Variants in NLRP7 observed in about 807,000 individuals in gnomAD.
NLRP7 encodes NLR family pyrin domain containing 7.
A neutral mutation model predicts 85.5 loss-of-function variants in NLRP7; 72 were observed. That is an observed-to-expected ratio of 0.84 (90% CI 0.70 to 1.02). The LOEUF (loss-of-function observed/expected upper bound fraction) is 1.02. Ranked by LOEUF, NLRP7 falls within the 50% of genes least tolerant of loss-of-function variation. The probability of loss-of-function intolerance (pLI) is 0.00; values close to 1 mark genes in which losing one functional copy is unlikely to be tolerated. For synonymous variants in NLRP7, 550 were observed against 505.2 expected, an observed-to-expected ratio of 1.09 and a Z score of -1.19; for missense variants, 1,243 against 1,219.5, an observed-to-expected ratio of 1.02 and a Z score of -0.29.
chr19:54,929,750 A>T (rs904363311), intron 9 of NLRP7, among the ~76,000 whole-genome samples: 1 of 152,184 alleles, frequency 6.6e-6, no homozygotes, highest in Non-Finnish European at 1.5e-5. Context: ...GTGCCCACCC[A>T]CATATATTCA....
At chr19:54,937,223 A>T in intron 5 of NLRP7, among the ~76,000 whole-genome samples, 1 of 151,962 alleles carries the variant, frequency 6.6e-6, no homozygotes, top group Non-Finnish European at 1.5e-5. Context: ...CTCAAAAAAA[A>T]AAAAAAAAGT....
intron 1 of NLRP7, among the ~76,000 whole-genome samples, chr19:54,964,621 G>C (rs1017248984): frequency 2.0e-5 from 3 of 151,556 alleles, no homozygotes; most frequent in African/African-American, 7.3e-5. Context: ...TCAGGAGTTT[G>C]AGACCAGCCT....
chr19:54,954,429 C>T (rs765112523), intron 1 of NLRP7, among the ~76,000 whole-genome samples: 10 of 135,748 alleles, frequency 7.4e-5, no homozygotes, highest in South Asian at 2.2e-4. Context: ...ACTCGGGAGG[C>T]TGAGGCAGGA....
At chr19:54,954,545 A>T (rs1263352201) in intron 1 of NLRP7, among the ~76,000 whole-genome samples, 1 of 150,074 alleles carries the variant, frequency 6.7e-6, no homozygotes, top group African/African-American at 2.4e-5. Context: ...AAAAAAAAAA[A>T]AAAAAAAGGG....
At chr19:54,924,795 G>C (rs1346117679) in intron 9 of NLRP7, among the ~76,000 whole-genome samples, 1 of 152,080 alleles carries the variant, frequency 6.6e-6, no homozygotes, top group Non-Finnish European at 1.5e-5. Flanking sequence ...AATTAGCTGG[G>C]CATGGTGGCA....
chr19:54,939,605 C>T, exon 4 of NLRP7: 1 of 1,611,182 alleles, frequency 6.2e-7, no homozygotes. Flanking sequence ...CAGCTGTGCG[C>T]CCTGCGGGAA....
rs372418895 is a variant in NLRP7 at position 54,941,425 on chromosome 19, T to A, written c.277+10A>T. The A allele has an allele frequency of 3.4e-6, 5 of 1,459,380 alleles. No individual in the cohort carries two copies. Among genetic ancestry groups the A allele is most frequent in the Non-Finnish European group, 4.8e-6 (5 of 1,042,012 alleles). The allele number at this position is 1,459,380 out of a possible 1,614,324, so 90.4% of individuals were successfully genotyped here. A position where few individuals can be genotyped will look rare whatever the true frequency, so the allele number is the denominator to read the frequency against. On this transcript the variant is annotated intron_variant, in intron 2 of 9. Transcript: ENST00000340844. ...AAAAAAATGACCAGGACACCCCAGG[T>A]TCTACTTACCCATCATCTCAGCCTT...
intron 1 of NLRP7, among the ~76,000 whole-genome samples, chr19:54,942,620 A>T (rs1236030419): frequency 6.6e-6 from 1 of 152,072 alleles, no homozygotes; most frequent in Non-Finnish European, 1.5e-5. Context: ...AGGCCGAGAC[A>T]GGAGAATCAC....
At chr19:54,952,501 A>G (rs1386920881), upstream of NLRP7, among the ~76,000 whole-genome samples, 2 of 151,404 alleles carry the variant, frequency 1.3e-5, no homozygotes, top group African/African-American at 2.4e-5. Flanking sequence ...GGCTGAGGCA[A>G]GAGAATTACT....
intron 8 of NLRP7, among the ~76,000 whole-genome samples, chr19:54,930,998 G>A (rs1442481959): frequency 1.3e-5 from 2 of 152,196 alleles, no homozygotes; most frequent in Admixed American, 6.5e-5. Context: ...ACTCCAGCCC[G>A]GGCGACAGAG....
chr19:54,944,480 G>A (rs1037534815), intron 1 of NLRP7, among the ~76,000 whole-genome samples: 13 of 151,848 alleles, frequency 8.6e-5, no homozygotes, highest in African/African-American at 1.2e-4. Context: ...CCACATCCCC[G>A]TCTCCGAGAT....
At chr19:54,942,451 C>A (rs548700453) in intron 1 of NLRP7, among the ~76,000 whole-genome samples, 1 of 151,914 alleles carries the variant, frequency 6.6e-6, no homozygotes, top group African/African-American at 2.4e-5. Context: ...CGGCAGGGCG[C>A]GGTGGCTCAC....
At chr19:54,941,570 C>G (rs1427703635) in exon 2 of NLRP7, 1 of 1,614,024 alleles carries the variant, frequency 6.2e-7, no homozygotes, top group East Asian at 2.2e-5. Flanking sequence ...CCATCAGCCT[C>G]TTCCACCTCA....
At chr19:54,960,371 G>C (rs2070000276) in intron 1 of NLRP7, among the ~76,000 whole-genome samples, 1 of 151,638 alleles carries the variant, frequency 6.6e-6, no homozygotes, top group Non-Finnish European at 1.5e-5. Flanking sequence ...GGCCAGGCTA[G>C]TCTCGAGCTC....
intron 1 of NLRP7, among the ~76,000 whole-genome samples, chr19:54,947,100 A>C (rs1470162114): frequency 6.6e-6 from 1 of 152,084 alleles, no homozygotes; most frequent in Non-Finnish European, 1.5e-5. Context: ...CGAGGCAGAC[A>C]GATTACCTAA....
chr19:54,934,500 C>T lies in NLRP7; in HGVS notation c.2460G>A (p.Leu820=), dbSNP rs1387016252. 2.5e-6 allele frequency: 4 copies of T among 1,614,156 alleles called. No individual in the cohort carries two copies. Among genetic ancestry groups the T allele is most frequent in the Non-Finnish European group, 3.4e-6 (4 of 1,180,010 alleles). The change falls in exon 7 of 10, where the codon CTG becomes CTA. Residue 820 remains leucine, a synonymous_variant. Coordinates refer to ENST00000340844, the Ensembl canonical transcript of NLRP7. The surrounding 1 kb of genome is among the most constrained non-coding windows in gnomAD (Gnocchi z 6.7). ...AAGAGGAGACTTACGACAACATCTG[C>T]AGGAAGTGTTTTGGGCGTGTCATGG...
intron 3 of NLRP7, 88 bp downstream of exon 3, chr19:54,940,843 A>T (rs1204255435): frequency 6.7e-6 from 6 of 892,034 alleles, no homozygotes; most frequent in Middle Eastern, 2.1e-4. Context: ...AAAAAAAACT[A>T]CCAGAAATGA....
chr19:54,958,720 C>G (rs1284704586), intron 1 of NLRP7, among the ~76,000 whole-genome samples: 2 of 152,012 alleles, frequency 1.3e-5, no homozygotes, highest in African/African-American at 2.4e-5. Context: ...CAGGACGAGC[C>G]ACAGACAAAA....
chr19:54,951,232 CTCTT>C (rs764932888), upstream of NLRP7, among the ~76,000 whole-genome samples: 5 of 152,130 alleles, frequency 3.3e-5, no homozygotes, highest in Admixed American at 2.0e-4. Context: ...AATCTGATCT[CTCTT>C]TCTTTTCCCC....
Sources: allele counts gnomAD v4.1 joint callset (sites outside exome capture counted in the v4.1 genomes callset), GRCh38; gene constraint gnomAD v4.1.1; non-coding constraint Gnocchi (gnomAD v3.1); transcripts MANE v1.5; gene names NCBI Gene and HGNC (gene_info 2026-07-23, HGNC 2026-07-21).